Variants in PTPN14 observed in about 807,000 individuals in gnomAD.
PTPN14 encodes tyrosine-protein phosphatase non-receptor type 14.
In PTPN14, 53 loss-of-function variants were observed where a neutral mutation model predicts 126.8. That is an observed-to-expected ratio of 0.42 (90% CI 0.34 to 0.53). PTPN14 has a LOEUF of 0.53. PTPN14 is among the 20% of genes least tolerant of loss of function. PTPN14 has a pLI of 0.08. For synonymous variants in PTPN14, 630 were observed against 599.3 expected (o/e 1.05, Z -0.75); for missense variants, 1,257 against 1,552.9 (o/e 0.81, Z 3.20).
At chr1:214,513,131 G>C (rs1275368849) in intron 1 of PTPN14, among the ~76,000 whole-genome samples, 5 of 152,108 alleles carry the variant, frequency 3.3e-5, no homozygotes, top group Admixed American at 1.3e-4. Context: ...ATCTGGTCTG[G>C]GATAGGAAGC....
intron 7 of PTPN14, among the ~76,000 whole-genome samples, chr1:214,399,114 TA>T (rs1344209291): frequency 1.3e-5 from 2 of 152,232 alleles, no homozygotes; most frequent in Non-Finnish European, 2.9e-5. Flanking sequence ...ATATGTGAAG[TA>T]ACGCATATGT....
chr1:214,508,599 C>T (rs901917902), intron 1 of PTPN14, among the ~76,000 whole-genome samples: 2 of 152,148 alleles, frequency 1.3e-5, no homozygotes, highest in Non-Finnish European at 2.9e-5. Context: ...TTCCAAACTC[C>T]TGTTATTATT....
rs1181687937 is a variant in PTPN14 at position 214,356,577 on chromosome 1, C to T, written c.*1345G>A. 2.6e-5 allele frequency: 4 copies of T among 152,196 alleles called. No individual in the cohort carries two copies. The highest frequency in any genetic ancestry group is 7.2e-5 in the African/African-American group (3 of 41,442). The allele number at this position is 152,196 out of a possible 1,614,324, so 9.4% of individuals were successfully genotyped here. A position where few individuals can be genotyped will look rare whatever the true frequency, so the allele number is the denominator to read the frequency against. On this transcript the variant is annotated 3_prime_UTR_variant, in exon 19 of 19. Coordinates refer to ENST00000366956, the MANE Select transcript of PTPN14 (RefSeq NM_005401.5). The stretch of plus-strand genomic sequence containing the variant: ...TGACCAATGAAGCCATAGGAAGAAA[C>T]TAAGAACTGGGCTTCAAAGTGAAGA...
chr1:214,358,804 G>A (rs779606565), intron 18 of PTPN14, among the ~76,000 whole-genome samples: 103 of 149,984 alleles, frequency 6.9e-4, no homozygotes, highest in Non-Finnish European at 1.2e-3. Context: ...GTGTAGTGGT[G>A]TGATCTCGGC....
chr1:214,388,355 C>T (rs1306129056), intron 11 of PTPN14, among the ~76,000 whole-genome samples: 1 of 151,882 alleles, frequency 6.6e-6, no homozygotes, highest in Non-Finnish European at 1.5e-5. Flanking sequence ...ACCCTCAAAA[C>T]GCTTACGTTT....
intron 1 of PTPN14, among the ~76,000 whole-genome samples, chr1:214,465,951 C>CTTTCTTTTTTTTTTTTTTTTT (rs1324868342): frequency 6.8e-5 from 4 of 59,026 alleles, no homozygotes; most frequent in African/African-American, 2.8e-4. Flanking sequence ...CAGTTACTTC[C>CTTTCTTTTTTTTTTTTTTTTT]TTTTTTTTTT....
At chr1:214,494,672 A>G (rs76780674) in intron 1 of PTPN14, among the ~76,000 whole-genome samples, 7,022 of 152,272 alleles carry the variant, frequency 0.046, 198 homozygotes, top group South Asian at 0.076. Context: ...ATGAAGCTTT[A>G]CATGAACAAA....
At chr1:214,447,873 G>C (rs1660181468) in intron 3 of PTPN14, among the ~76,000 whole-genome samples, 1 of 152,146 alleles carries the variant, frequency 6.6e-6, no homozygotes, top group Admixed American at 6.5e-5. Flanking sequence ...CTGATCAAAT[G>C]TCAGCAACAC....
intron 1 of PTPN14, among the ~76,000 whole-genome samples, chr1:214,511,608 C>A (rs1281697053): frequency 6.6e-6 from 1 of 152,134 alleles, no homozygotes; most frequent in African/African-American, 2.4e-5. Context: ...GAAAACAGTT[C>A]AGCAGTACCT....
intron 10 of PTPN14, among the ~76,000 whole-genome samples, chr1:214,392,162 C>T (rs1463754588): frequency 6.6e-6 from 1 of 151,844 alleles, no homozygotes; most frequent in Non-Finnish European, 1.5e-5. Flanking sequence ...GGACGCTGAA[C>T]TGCATATGGA....
intron 17 of PTPN14, 75 bp downstream of exon 17, chr1:214,369,382 C>T: frequency 3.6e-6 from 5 of 1,396,120 alleles, no homozygotes; most frequent in South Asian, 2.4e-5. Context: ...TTTTCCATTT[C>T]ATCTCCAACA....
chr1:214,391,725 G>A lies in PTPN14; in HGVS notation c.930-680C>T, dbSNP rs577553616. Among the ~76,000 whole-genome samples, 113 of 142,312 alleles carry A rather than the reference G, an allele frequency of 7.9e-4. 1 individual carries two copies. Among genetic ancestry groups the A allele is most frequent in the African/African-American group, 2.7e-3 (104 of 38,294 alleles). The allele number at this position is 142,312 out of a possible 152,430, so 93.4% of individuals were successfully genotyped here. ...ACCATAAAAAAAAAAAAAAAACCCA[G>A]GACATGTACAGTTTTTTATTAAGGT... On this transcript the variant is annotated intron_variant, in intron 10 of 18. Transcript: ENST00000366956.
intron 3 of PTPN14, among the ~76,000 whole-genome samples, chr1:214,415,146 G>A (rs1022063303): frequency 6.6e-6 from 1 of 152,096 alleles, no homozygotes; most frequent in Non-Finnish European, 1.5e-5. Context: ...TCAAAAGTTC[G>A]GTAAGGCAGA....
At chr1:214,517,360 C>CAA (rs371192337) in intron 1 of PTPN14, among the ~76,000 whole-genome samples, 20 of 151,916 alleles carry the variant, frequency 1.3e-4, no homozygotes, top group African/African-American at 4.8e-4. Flanking sequence ...GAAAAGCCTT[C>CAA]AAGTATGTCT....
intron 1 of PTPN14, among the ~76,000 whole-genome samples, chr1:214,491,049 GAA>G (rs1484258688): frequency 6.7e-6 from 1 of 150,320 alleles, no homozygotes; most frequent in Non-Finnish European, 1.5e-5. Flanking sequence ...AAGAAAGAAA[GAA>G]AGAAAAACAA....
chr1:214,374,639 A>G (rs548438860), intron 15 of PTPN14, among the ~76,000 whole-genome samples: 2 of 152,316 alleles, frequency 1.3e-5, no homozygotes, highest in South Asian at 4.1e-4. Flanking sequence ...CACTGGCAAA[A>G]TATACTCCTC....
rs1250248906 is a variant in PTPN14, at chr1:214,393,909, G to A, written c.847-132C>T. 5.5e-6 allele frequency: 4 copies of A among 726,478 alleles called. No homozygotes were observed. In the East Asian group the frequency reaches 1.1e-4, roughly 20 times the overall value. The allele number at this position is 726,478 out of a possible 1,614,324, so 45.0% of individuals were successfully genotyped here. A position where few individuals can be genotyped will look rare whatever the true frequency, so the allele number is the denominator to read the frequency against. ...CAAGCACAAAATAATACATGGGCCA[G>A]CAAGGTAAACCAGCCTGCTGAATTT... On this transcript the variant is annotated intron_variant, in intron 9 of 18. Coordinates refer to ENST00000366956, the MANE Select transcript of PTPN14 (RefSeq NM_005401.5).
chr1:214,390,590 C>A (rs1300336952), intron 11 of PTPN14, among the ~76,000 whole-genome samples: 2 of 152,154 alleles, frequency 1.3e-5, no homozygotes, highest in Non-Finnish European at 2.9e-5. Context: ...GGCATTTTCT[C>A]ACTAGTTTAT....
rs1175110283 is a variant in PTPN14 at position 214,364,059 on chromosome 1, C to T, written c.3435+453G>A. On this transcript the variant is annotated intron_variant, in intron 18 of 18. Transcript: ENST00000366956. This position sits in a 1 kb window ranked among gnomAD's most constrained non-coding sequence, Gnocchi z 4.1. The stretch of plus-strand genomic sequence containing the variant: ...TAGACAAGCAAACAACCCCTCAAAC[C>T]TCACTCTGAAGAATGAAAAACATTT... Among the ~76,000 whole-genome samples the T allele has an allele frequency of 1.3e-5, 2 of 152,212 alleles. No homozygotes were observed. Among genetic ancestry groups the T allele is most frequent in the African/African-American group, 4.8e-5 (2 of 41,454 alleles).
Sources: allele counts gnomAD v4.1 joint callset (sites outside exome capture counted in the v4.1 genomes callset), GRCh38; gene constraint gnomAD v4.1.1; non-coding constraint Gnocchi (gnomAD v3.1); transcripts MANE v1.5; gene names NCBI Gene and HGNC (gene_info 2026-07-23, HGNC 2026-07-21).